SDK1: variants seen among roughly 807,000 people sequenced by gnomAD.
SDK1 encodes the protein sidekick cell adhesion molecule 1, also known as protein sidekick-1.
SDK1 carries 157 observed loss-of-function variants against 245.5 expected under a neutral mutation model. The observed-to-expected ratio is 0.64, with a 90% CI of 0.56 to 0.73. The LOEUF is 0.73. Ranked by LOEUF, SDK1 falls within the 30% of genes least tolerant of loss-of-function variation. The pLI, the probability that SDK1 is intolerant of heterozygous loss-of-function variation, is 0.00. For missense variants in SDK1, 3,583 were observed against 3,002.3 expected, an observed-to-expected ratio of 1.19 and a Z score of -4.52; for synonymous variants, 1,647 against 1,278.5, an observed-to-expected ratio of 1.29 and a Z score of -6.15.
At chr7:3,545,818 T>C (rs148055397) in intron 1 of SDK1, among the ~76,000 whole-genome samples, 84 of 152,340 alleles carry the variant, frequency 5.5e-4, no homozygotes, top group African/African-American at 2.0e-3. Flanking sequence ...AATAGTACTT[T>C]GAAATCTGAA....
intron 5 of SDK1, among the ~76,000 whole-genome samples, chr7:3,835,145 G>A (rs764162230): frequency 6.6e-6 from 1 of 152,098 alleles, no homozygotes; most frequent in Non-Finnish European, 1.5e-5. Flanking sequence ...TCAATCTTTG[G>A]TAAGTATAAA....
intron 1 of SDK1, among the ~76,000 whole-genome samples, chr7:3,453,396 C>G (rs1451316892): frequency 1.3e-5 from 2 of 152,300 alleles, no homozygotes; most frequent in Non-Finnish European, 1.5e-5. Context: ...GTGAATGTGA[C>G]CATTTGGACA....
At chr7:3,385,362 C>A (rs73052636) in intron 1 of SDK1, among the ~76,000 whole-genome samples, 12,282 of 152,134 alleles carry the variant, frequency 0.081, 653 homozygotes, top group African/African-American at 0.14. Context: ...ATTTCCATTT[C>A]ATATATATAG....
chr7:4,105,758 C>T (rs185878922), intron 22 of SDK1, among the ~76,000 whole-genome samples: 5 of 152,280 alleles, frequency 3.3e-5, no homozygotes, highest in African/African-American at 7.2e-5. Context: ...CAGAGGCTTC[C>T]GAAAGGCCCG....
At chr7:4,149,510 G>T in intron 30 of SDK1, 47 bp downstream of exon 30, 3 of 1,310,512 alleles carry the variant, frequency 2.3e-6, no homozygotes, top group Non-Finnish European at 3.0e-6. Context: ...GGCCCTGGCC[G>T]CCTCCAGCCA....
intron 1 of SDK1, among the ~76,000 whole-genome samples, chr7:3,561,180 T>C (rs567208802): frequency 2.6e-5 from 4 of 152,310 alleles, no homozygotes; most frequent in African/African-American, 9.6e-5. Flanking sequence ...CTTTGCTTCA[T>C]CCTGATCTGT....
chr7:3,607,298 T>G (rs1781454598), intron 1 of SDK1, among the ~76,000 whole-genome samples: 1 of 152,226 alleles, frequency 6.6e-6, no homozygotes, highest in African/African-American at 2.4e-5. Flanking sequence ...AAATCATACA[T>G]AAATCACTAC....
intron 4 of SDK1, among the ~76,000 whole-genome samples, chr7:3,758,625 C>A (rs146545203): frequency 6.9e-4 from 105 of 152,278 alleles, no homozygotes; most frequent in African/African-American, 2.1e-3. Flanking sequence ...TTATCTTTTT[C>A]TTTTCTTGGC....
At chr7:4,151,572 G>T (rs1037438601) in intron 30 of SDK1, among the ~76,000 whole-genome samples, 3 of 152,146 alleles carry the variant, frequency 2.0e-5, no homozygotes, top group African/African-American at 7.2e-5. Flanking sequence ...TTTCCCTGGT[G>T]ATCTAGTCAC....
chr7:4,152,668 A>T (rs137985618), intron 30 of SDK1, among the ~76,000 whole-genome samples: 2 of 152,224 alleles, frequency 1.3e-5, no homozygotes, highest in African/African-American at 2.4e-5. Context: ...CTGCCTATCA[A>T]TAGAGAACAT....
intron 20 of SDK1, among the ~76,000 whole-genome samples, chr7:4,074,856 T>TACTTTCCC (rs1486926440): frequency 2.5e-4 from 18 of 72,334 alleles, no homozygotes; most frequent in South Asian, 1.5e-3. Context: ...GAGCAAGACT[T>TACTTTCCC]TCTCTCTCTC....
At chr7:3,960,379 G>T (rs1430512872) in intron 8 of SDK1, among the ~76,000 whole-genome samples, 2 of 152,236 alleles carry the variant, frequency 1.3e-5, no homozygotes, top group African/African-American at 4.8e-5. Context: ...CCTGGCTCTT[G>T]CCAGAACACT....
intron 1 of SDK1, among the ~76,000 whole-genome samples, chr7:3,563,432 C>G (rs1409850236): frequency 6.6e-6 from 1 of 151,886 alleles, no homozygotes; most frequent in Non-Finnish European, 1.5e-5. Context: ...TATGAACCAA[C>G]AGAAAGCAGT....
chr7:3,944,322 C>T (rs1780492043), intron 5 of SDK1, among the ~76,000 whole-genome samples: 1 of 152,138 alleles, frequency 6.6e-6, no homozygotes, highest in South Asian at 2.1e-4. Flanking sequence ...AATCATTTAC[C>T]AAGATGTTTT....
intron 1 of SDK1, among the ~76,000 whole-genome samples, chr7:3,539,769 T>G (rs1038251042): frequency 6.6e-5 from 10 of 152,176 alleles, no homozygotes; most frequent in African/African-American, 2.4e-4. Flanking sequence ...ATTGCATTAA[T>G]TTTTAGGGCT....
chr7:3,987,348 C>T, intron 14 of SDK1, 26 bp downstream of exon 14: 1 of 1,611,054 alleles, frequency 6.2e-7, no homozygotes. Context: ...AAACTGTCAC[C>T]ATGGACGATA....
At chr7:3,817,779 C>G (rs573284943) in intron 4 of SDK1, among the ~76,000 whole-genome samples, 1 of 152,324 alleles carries the variant, frequency 6.6e-6, no homozygotes, top group East Asian at 1.9e-4. Context: ...CGGATTTCAT[C>G]TTTTCTGAAA....
chr7:4,056,055 A>T (rs1779173980), intron 19 of SDK1, among the ~76,000 whole-genome samples: 1 of 152,140 alleles, frequency 6.6e-6, no homozygotes. Context: ...GGATATGGTC[A>T]ATCTTGGTGA....
At chr7:3,340,157 AACTC>A (rs1339367056) in intron 1 of SDK1, among the ~76,000 whole-genome samples, 1 of 151,992 alleles carries the variant, frequency 6.6e-6, no homozygotes, top group Non-Finnish European at 1.5e-5. Context: ...AACTTAATAA[AACTC>A]AACCAAGACA....
Sources: allele counts gnomAD v4.1 joint callset (sites outside exome capture counted in the v4.1 genomes callset), GRCh38; gene constraint gnomAD v4.1.1; transcripts MANE v1.5; gene names NCBI Gene and HGNC (gene_info 2026-07-23, HGNC 2026-07-21).